PLSCR4: variants seen among roughly 807,000 people sequenced by gnomAD.
PLSCR4 encodes the protein Ca(2+)-dependent phospholipid scramblase 4.
In PLSCR4, 25 loss-of-function variants were observed where a neutral mutation model predicts 36.3. The observed-to-expected ratio is 0.69, with a 90% confidence interval of 0.50 to 0.96. PLSCR4 has a LOEUF of 0.96. PLSCR4 is among the 40% of genes least tolerant of loss of function. PLSCR4 has a pLI of 0.00. For missense variants in PLSCR4, 408 were observed against 414.7 expected (o/e 0.98, Z 0.14); for synonymous variants, 122 against 132.9 (o/e 0.92, Z 0.56).
At position 146,193,136 on chromosome 3, in the gene PLSCR4, T is replaced by C. The variant is rs1236315960; in HGVS notation, c.*1275A>G. Reference sequence around the variant, plus strand: ...AATTAGAGTGTACTCACTTATACACTATGCTTTTAATTAGTTAACACAAAA... The same window carrying C: ...AATTAGAGTGTACTCACTTATACACCATGCTTTTAATTAGTTAACACAAAA... On this transcript the variant is annotated 3_prime_UTR_variant, in exon 9 of 9. Coordinates refer to ENST00000354952, the MANE Select transcript of PLSCR4 (RefSeq NM_020353.3). 6 of 152,170 alleles carry C rather than the reference T, an allele frequency of 3.9e-5. No individual in the cohort carries two copies. The highest frequency in any genetic ancestry group is 3.9e-4 in the Admixed American group (6 of 15,278). The allele number at this position is 152,170 out of a possible 1,614,324, so 9.4% of individuals were successfully genotyped here.
At chr3:146,229,622 TTTATTTATTTATTTATTTA>T (rs1216665012) in intron 1 of PLSCR4, among the ~76,000 whole-genome samples, 2 of 134,488 alleles carry the variant, frequency 1.5e-5, no homozygotes, top group South Asian at 2.6e-4. Context: ...TATTTATTTA[TTTATTTATTTATTTATTTA>T]TGAGATGGAG....
At chr3:146,244,402 C>A (rs2036266390) in intron 1 of PLSCR4, among the ~76,000 whole-genome samples, 1 of 151,922 alleles carries the variant, frequency 6.6e-6, no homozygotes, top group East Asian at 1.9e-4. Context: ...TTTTTTTAAA[C>A]AAATTGAGGG....
chr3:146,221,425 T>C (rs1277053281), intron 2 of PLSCR4, among the ~76,000 whole-genome samples: 1 of 152,212 alleles, frequency 6.6e-6, no homozygotes, highest in Non-Finnish European at 1.5e-5. Flanking sequence ...AATAGTTTAG[T>C]CTACATCTCC....
At chr3:146,203,743 G>C (rs148423466) in intron 4 of PLSCR4, among the ~76,000 whole-genome samples, 453 of 151,996 alleles carry the variant, frequency 3.0e-3, no homozygotes, top group Middle Eastern at 0.014. Context: ...GCTTTGCTCT[G>C]AATTATGCTT....
chr3:146,238,018 C>A (rs1371248384), intron 1 of PLSCR4, among the ~76,000 whole-genome samples: 1 of 151,570 alleles, frequency 6.6e-6, no homozygotes, highest in Non-Finnish European at 1.5e-5. Flanking sequence ...TTAATACTAA[C>A]CTTACATTGA....
At chr3:146,199,715 G>C in intron 6 of PLSCR4, 98 bp downstream of exon 6, 1 of 974,574 alleles carries the variant, frequency 1.0e-6, no homozygotes, top group Non-Finnish European at 1.6e-6. Context: ...CTGGCTGGCA[G>C]GGCCAGGGAA....
At chr3:146,218,722 A>G (rs1455293638) in intron 3 of PLSCR4, among the ~76,000 whole-genome samples, 1 of 152,182 alleles carries the variant, frequency 6.6e-6, no homozygotes, top group Non-Finnish European at 1.5e-5. Flanking sequence ...TTGTGTAACT[A>G]TAGCATCTCA....
At chr3:146,203,308 T>C (rs1559901636) in intron 4 of PLSCR4, among the ~76,000 whole-genome samples, 1 of 152,018 alleles carries the variant, frequency 6.6e-6, no homozygotes, top group East Asian at 1.9e-4. Flanking sequence ...AATCTCCTTA[T>C]ACGTCTCCAT....
At chr3:146,221,991 C>T (rs2035171649) in intron 2 of PLSCR4, 74 bp downstream of exon 2, 2 of 794,714 alleles carry the variant, frequency 2.5e-6, no homozygotes, top group Middle Eastern at 2.8e-4. Flanking sequence ...AAATAAAGTC[C>T]CCCTTTAGGG....
intron 1 of PLSCR4, among the ~76,000 whole-genome samples, chr3:146,227,505 C>CA (rs1281414458): frequency 1.3e-5 from 2 of 152,314 alleles, no homozygotes; most frequent in East Asian, 3.9e-4. Context: ...GCAAGCTTTT[C>CA]AATTTCACCA....
chr3:146,239,042 A>C (rs1375059051), intron 1 of PLSCR4, among the ~76,000 whole-genome samples: 1 of 152,176 alleles, frequency 6.6e-6, no homozygotes, highest in Non-Finnish European at 1.5e-5. Context: ...AAATTTAATT[A>C]AAAAGTGCAA....
chr3:146,247,742 C>T (rs1048392365), intron 1 of PLSCR4, among the ~76,000 whole-genome samples: 4 of 152,128 alleles, frequency 2.6e-5, no homozygotes, highest in Non-Finnish European at 5.9e-5. Context: ...CCTACCTCAG[C>T]CTCCTGAGCA....
chr3:146,237,578 T>G (rs1370130639), intron 1 of PLSCR4, among the ~76,000 whole-genome samples: 1 of 151,620 alleles, frequency 6.6e-6, no homozygotes, highest in Non-Finnish European at 1.5e-5. Flanking sequence ...TAGAAAAAAG[T>G]TGAGGAAATT....
rs114674692 is a variant in PLSCR4, at chr3:146,241,896, C to A, written c.-22+9064G>T. ...CTCTAACCACATAAAAATAAAACAA[C>A]ACATTTCTACGTAATCTAAATCATA... On this transcript the variant is annotated intron_variant, in intron 1 of 8. Transcript: ENST00000354952. Among the ~76,000 whole-genome samples the A allele has an allele frequency of 2.7e-3, 404 of 152,308 alleles. 2 individuals carry two copies. The highest frequency in any genetic ancestry group is 9.0e-3 in the African/African-American group (375 of 41,560).
chr3:146,229,358 G>C (rs2035604680), intron 1 of PLSCR4, among the ~76,000 whole-genome samples: 1 of 151,938 alleles, frequency 6.6e-6, no homozygotes, highest in Non-Finnish European at 1.5e-5. Flanking sequence ...CCTTGAGACT[G>C]AGTTCAATCC....
At chr3:146,210,780 C>T (rs997923467) in intron 3 of PLSCR4, among the ~76,000 whole-genome samples, 2 of 151,286 alleles carry the variant, frequency 1.3e-5, no homozygotes, top group Non-Finnish European at 3.0e-5. Flanking sequence ...AAAACCACTA[C>T]TATCTGTGGA....
chr3:146,201,573 T>C (rs1417667854), intron 4 of PLSCR4, among the ~76,000 whole-genome samples: 1 of 152,106 alleles, frequency 6.6e-6, no homozygotes, highest in Non-Finnish European at 1.5e-5. Context: ...TTTTATATTA[T>C]TTTACAGGTA....
chr3:146,241,543 G>T (rs568116815), intron 1 of PLSCR4, among the ~76,000 whole-genome samples: 10 of 151,888 alleles, frequency 6.6e-5, no homozygotes, highest in African/African-American at 2.4e-4. Flanking sequence ...TGGCAAAATT[G>T]AAAAAAATAA....
At chr3:146,200,981 T>C (rs1211386541) in intron 5 of PLSCR4, 54 bp downstream of exon 5, 1 of 1,184,740 alleles carries the variant, frequency 8.4e-7, no homozygotes, top group African/African-American at 1.6e-5. Flanking sequence ...TATTGGATAA[T>C]GCAAATTTCC....
Sources: gnomAD v4.1 joint callset for allele counts (sites outside exome capture counted in the v4.1 genomes callset) on GRCh38, gnomAD v4.1.1 for gene constraint, MANE v1.5 for transcripts, NCBI Gene and HGNC (gene_info 2026-07-23, HGNC 2026-07-21) for gene names.